Variants in C10orf90 observed in about 807,000 individuals in gnomAD.
C10orf90 encodes the protein chromosome 10 open reading frame 90.
A neutral mutation model predicts 62.5 loss-of-function variants in C10orf90; 56 were observed. The observed-to-expected ratio is 0.90, with a 90% CI of 0.72 to 1.12. The LOEUF is 1.12. Ranked by LOEUF, C10orf90 falls within the 50% of genes most tolerant of loss-of-function variation. The probability of loss-of-function intolerance (pLI) is 0.00; values close to 1 mark genes in which losing one functional copy is unlikely to be tolerated. For synonymous variants in C10orf90, 386 were observed against 340.4 expected, an observed-to-expected ratio of 1.13 and a Z score of -1.47; for missense variants, 970 against 880.4, an observed-to-expected ratio of 1.10 and a Z score of -1.29.
chr10:126,653,955 T>C (rs1291619187), intron 1 of C10orf90, among the ~76,000 whole-genome samples: 1 of 152,174 alleles, frequency 6.6e-6, no homozygotes, highest in African/African-American at 2.4e-5. Flanking sequence ...TGAGCGGTAA[T>C]ATTTTGAAAG....
intron 2 of C10orf90, among the ~76,000 whole-genome samples, chr10:126,570,448 G>A (rs1268585576): frequency 1.3e-5 from 2 of 152,128 alleles, no homozygotes; most frequent in African/African-American, 2.4e-5. Flanking sequence ...TTTACTTCAC[G>A]GTACTATAAT....
In C10orf90 at chr10:126,504,218, G is replaced by A. The variant is rs369303945; in HGVS notation, c.1273C>T (p.Gln425Ter). 1.9e-6 allele frequency: 3 copies of A among 1,614,038 alleles called. No individual in the cohort carries two copies. Among genetic ancestry groups the A allele is most frequent in the African/African-American group, 2.7e-5 (2 of 74,918 alleles). Residue 425 changes from glutamine (Q) to a stop codon, truncating the protein, a stop_gained, in exon 4 of 10, where the codon CAG becomes TAG. Coordinates refer to ENST00000488181, the MANE Select transcript of C10orf90 (RefSeq NM_001350921.2). LOFTEE classifies it high-confidence loss of function. The surrounding 1 kb of genome is among the most constrained non-coding windows in gnomAD (Gnocchi z 4.1). ...TTCCAGCGCTGGCCTACGAGGTCCTGGTCTCCCTCCAGGAGCTCCTGCTTC... is the reference window on the plus strand; with the variant it reads ...TTCCAGCGCTGGCCTACGAGGTCCTAGTCTCCCTCCAGGAGCTCCTGCTTC... Reference protein sequence around the residue: ...ALKQELLEGDQDLVGQRWNPG... With the variant: ...ALKQELLEGD
chr10:126,442,490 T>A (rs1220027424), intron 7 of C10orf90, among the ~76,000 whole-genome samples: 2 of 104,310 alleles, frequency 1.9e-5, no homozygotes, highest in Non-Finnish European at 3.8e-5. Flanking sequence ...TATATATATA[T>A]ATATATATAT....
rs181213854 is a variant in C10orf90 at position 126,573,073 on chromosome 10, C to T, written c.314-59134G>A. On this transcript the variant is annotated intron_variant, in intron 2 of 9. Transcript: ENST00000488181. ...GACACCGAATTGTAGAAGGAAAGGG[C>T]TTTATTCAGCTGGGAGCATCAGCAG... Among the ~76,000 whole-genome samples the T allele has an allele frequency of 1.7e-3, 262 of 152,246 alleles. 2 individuals are homozygous for T. Among genetic ancestry groups the T allele is most frequent in the African/African-American group, 6.0e-3 (249 of 41,538 alleles).
In C10orf90 at chr10:126,507,659, C is replaced by T. The variant is rs115415653; in HGVS notation, c.406-2574G>A. Among the ~76,000 whole-genome samples, 1,518 of 152,220 alleles carry T rather than the reference C, an allele frequency of 1.0e-2. 28 individuals carry two copies. The highest frequency in any genetic ancestry group is 0.034 in the African/African-American group (1,399 of 41,530). On this transcript the variant is annotated intron_variant, in intron 3 of 9. Coordinates refer to ENST00000488181, the MANE Select transcript of C10orf90 (RefSeq NM_001350921.2). Reference sequence around the variant, plus strand: ...GAAGTCCTGCCAGGTGGGGCTTCCTCACCAGCAGTTGTCAGCCCAGGGTTC... The same window carrying T: ...GAAGTCCTGCCAGGTGGGGCTTCCTTACCAGCAGTTGTCAGCCCAGGGTTC...
chr10:126,522,313 T>G (rs76600408), intron 2 of C10orf90, among the ~76,000 whole-genome samples: 2,313 of 152,208 alleles, frequency 0.015, 43 homozygotes, highest in African/African-American at 0.053. Flanking sequence ...CTGGTACAGA[T>G]GAATCACAAC....
In C10orf90 at chr10:126,464,865, A is replaced by G. The variant is rs1350670998; in HGVS notation, c.1656T>C (p.Ser552=). The G allele has an allele frequency of 3.1e-6, 5 of 1,614,090 alleles. No homozygotes were observed. The highest frequency in any genetic ancestry group is 4.2e-6 in the Non-Finnish European group (5 of 1,179,934). Reference sequence around the variant, plus strand: ...CTCTAGACAGACAGTCATCGCTTGGAGAGCTATCCCCAATGGGAAGGAAAT... The same window carrying G: ...CTCTAGACAGACAGTCATCGCTTGGGGAGCTATCCCCAATGGGAAGGAAAT... The part of the protein sequence containing the change: ...TRHFLPIGDS[S]PSDDCLSRDL... The change falls in exon 5 of 10, where the codon TCT becomes TCC. Residue 552 remains serine, a synonymous_variant. Coordinates refer to ENST00000488181, the MANE Select transcript of C10orf90 (RefSeq NM_001350921.2).
At chr10:126,606,062 G>T (rs1168913438) in intron 2 of C10orf90, among the ~76,000 whole-genome samples, 1 of 152,142 alleles carries the variant, frequency 6.6e-6, no homozygotes, top group Non-Finnish European at 1.5e-5. Flanking sequence ...CCACAGAGCA[G>T]CAATTCAGAG....
Position 126,573,517 on chromosome 10 carries a change from A to G in C10orf90, c.314-59578T>C, listed in dbSNP as rs186006089. On this transcript the variant is annotated intron_variant, in intron 2 of 9. Coordinates refer to ENST00000488181, the MANE Select transcript of C10orf90 (RefSeq NM_001350921.2). ...AGACTCGCCATGAGTTCTTTCTTGCACAAGATCCATGAATCCTTCCTCGGG... is the reference window on the plus strand; with the variant it reads ...AGACTCGCCATGAGTTCTTTCTTGCGCAAGATCCATGAATCCTTCCTCGGG... 6.2e-4 allele frequency among the ~76,000 whole-genome samples: 94 copies of G among 152,226 alleles called. 1 individual carries two copies. Among genetic ancestry groups the G allele is most frequent in the African/African-American group, 1.8e-3 (76 of 41,532 alleles).
chr10:126,580,000 T>TA lies in C10orf90; in HGVS notation c.314-66062_314-66061insT, dbSNP rs527834778. On this transcript the variant is annotated intron_variant, in intron 2 of 9. Coordinates refer to ENST00000488181, the MANE Select transcript of C10orf90 (RefSeq NM_001350921.2). ...CTCAGAATTCTACCTGGGCATGATT[T>TA]TCACCCACAAAGTGAGCTGTGGGTA... Among the ~76,000 whole-genome samples, 231 of 152,258 alleles carry TA rather than the reference T, an allele frequency of 1.5e-3. 2 individuals carry two copies. Among genetic ancestry groups the TA allele is most frequent in the Middle Eastern group, 0.01 (3 of 294 alleles).
At chr10:126,534,181 C>T (rs1167543233) in intron 2 of C10orf90, among the ~76,000 whole-genome samples, 1 of 152,226 alleles carries the variant, frequency 6.6e-6, no homozygotes, top group Non-Finnish European at 1.5e-5. Context: ...CTGCATTGCA[C>T]AGCCAGGGTG....
intron 2 of C10orf90, among the ~76,000 whole-genome samples, chr10:126,620,821 TA>T (rs1183953574): frequency 2.0e-5 from 3 of 151,936 alleles, no homozygotes; most frequent in African/African-American, 7.2e-5. Flanking sequence ...ATAGAAGCCA[TA>T]AAAAAACTTC....
chr10:126,646,612 G>C lies in C10orf90; in HGVS notation c.266C>G (p.Pro89Arg), dbSNP rs770143187. ...TCTTTCCCAGGCAGAATGATCTTTG[G>C]GGGATGAGAAGAGTCGACTGTGGAT... The part of the protein sequence containing the change: ...YEIHSRLFSS[P>R]KDHSAWERNE... The change falls in exon 2 of 10, where the codon CCC (proline) becomes CGC (arginine). Residue 89 changes from proline to arginine, a missense_variant. Pro to Arg is a moderately radical substitution (Grantham distance 103). Transcript: ENST00000488181. 1 of 449,192 alleles carries C rather than the reference G, an allele frequency of 2.2e-6. No homozygotes were observed. Among genetic ancestry groups the C allele is most frequent in the Non-Finnish European group, 4.5e-6 (1 of 223,862 alleles). The allele number at this position is 449,192 out of a possible 1,614,324, so 27.8% of individuals were successfully genotyped here.
At chr10:126,465,057 C>T (rs1860206807) in intron 4 of C10orf90, 71 bp from the exon 5 acceptor site, 1 of 1,499,164 alleles carries the variant, frequency 6.7e-7, no homozygotes, top group Non-Finnish European at 9.1e-7. Flanking sequence ...TTCTACCGCA[C>T]ATGGTGCTTT....
At chr10:126,501,757 C>T (rs988244255) in intron 4 of C10orf90, among the ~76,000 whole-genome samples, 4 of 152,126 alleles carry the variant, frequency 2.6e-5, no homozygotes, top group Non-Finnish European at 5.9e-5. Context: ...GAAATCATGT[C>T]TTTTGCAGCA....
In C10orf90 at chr10:126,461,400, C is replaced by A. The variant is rs780555323; in HGVS notation, c.2010+1G>T. Reference sequence around the variant, plus strand: ...AAGCCAGGACACACAGAAGGCCTTACTTGCAAGGTCAAAGATCTTGCAGGC... The same window carrying A: ...AAGCCAGGACACACAGAAGGCCTTAATTGCAAGGTCAAAGATCTTGCAGGC... On this transcript the variant is annotated splice_donor_variant, in intron 6 of 9. Transcript: ENST00000488181. LOFTEE classifies it high-confidence loss of function. 7.4e-6 allele frequency: 12 copies of A among 1,613,790 alleles called. No homozygotes were observed. Among genetic ancestry groups the A allele is most frequent in the Non-Finnish European group, 1.0e-5 (12 of 1,179,910 alleles).
chr10:126,588,312 C>T (rs916074969), intron 2 of C10orf90, among the ~76,000 whole-genome samples: 6 of 152,230 alleles, frequency 3.9e-5, no homozygotes, highest in African/African-American at 9.6e-5. Context: ...CAGCATGGTG[C>T]ACCCACACTG....
At chr10:126,610,410 C>T (rs2071752379) in intron 2 of C10orf90, among the ~76,000 whole-genome samples, 1 of 152,244 alleles carries the variant, frequency 6.6e-6, no homozygotes, top group Non-Finnish European at 1.5e-5. Flanking sequence ...GCAGTTTTCC[C>T]TGCCCACATC....
chr10:126,433,143 G>A (rs1290149585), intron 7 of C10orf90, among the ~76,000 whole-genome samples: 1 of 152,104 alleles, frequency 6.6e-6, no homozygotes, highest in Non-Finnish European at 1.5e-5. Flanking sequence ...TAAGGGCCAG[G>A]AGAGATGAAT....
Sources: allele counts gnomAD v4.1 joint callset (sites outside exome capture counted in the v4.1 genomes callset), GRCh38; gene constraint gnomAD v4.1.1; non-coding constraint Gnocchi (gnomAD v3.1); transcripts MANE v1.5; gene names NCBI Gene and HGNC (gene_info 2026-07-23, HGNC 2026-07-21).